Variants in MTCH2 observed in about 807,000 individuals in gnomAD.
MTCH2 encodes the protein mitochondrial carrier homolog 2.
MTCH2 carries 25 observed loss-of-function variants against 50.6 expected under a neutral mutation model. The ratio of observed to expected loss-of-function variants is 0.49; its 90% CI spans 0.36 to 0.69. The LOEUF is 0.69. Ranked by LOEUF, MTCH2 falls within the 30% of genes least tolerant of loss-of-function variation. The probability of loss-of-function intolerance (pLI) is 0.00; values close to 1 mark genes in which losing one functional copy is unlikely to be tolerated. For missense variants in MTCH2, 273 were observed against 384.4 expected, an observed-to-expected ratio of 0.71 and a Z score of 2.42; for synonymous variants, 106 against 132.0, an observed-to-expected ratio of 0.80 and a Z score of 1.35.
intron 4 of MTCH2, 105 bp downstream of exon 4, chr11:47,635,440 A>G (rs2097307662): frequency 7.8e-7 from 1 of 1,276,142 alleles, no homozygotes; most frequent in Non-Finnish European, 1.1e-6. Context: ...ACTCACTGAG[A>G]TGAATAGGAG....
At chr11:47,615,134 C>CTG (rs2097287635), downstream of MTCH2, among the ~76,000 whole-genome samples, 1 of 142,022 alleles carries the variant, frequency 7.0e-6, no homozygotes, top group African/African-American at 2.6e-5. Flanking sequence ...CCTCCCAGGA[C>CTG]TCAACCAGTC....
At chr11:47,637,331 T>C (rs1034128882) in intron 3 of MTCH2, among the ~76,000 whole-genome samples, 6 of 152,132 alleles carry the variant, frequency 3.9e-5, no homozygotes, top group Admixed American at 6.6e-5. Flanking sequence ...AGTAAAAACA[T>C]AGCCCAGGGT....
At chr11:47,626,913 G>A (rs972331111) in intron 10 of MTCH2, among the ~76,000 whole-genome samples, 167 bp downstream of exon 10, 2 of 152,040 alleles carry the variant, frequency 1.3e-5, no homozygotes, top group East Asian at 1.9e-4. Flanking sequence ...GCGCCTGGCC[G>A]AAAACTGAGT....
At chr11:47,612,362 T>C (rs1238317502), downstream of MTCH2, among the ~76,000 whole-genome samples, 3 of 151,142 alleles carry the variant, frequency 2.0e-5, no homozygotes, top group Non-Finnish European at 4.4e-5. Flanking sequence ...GGTCAGGAGA[T>C]CAAGACCATC....
chr11:47,631,503 G>A, intron 6 of MTCH2, 151 bp downstream of exon 6: 1 of 655,934 alleles, frequency 1.5e-6, no homozygotes, highest in South Asian at 2.1e-5. Flanking sequence ...AAGACATTTT[G>A]CTATCTGGAT....
At chr11:47,608,041 AC>A in the MTCH2 span, among the ~76,000 whole-genome samples, 2 of 152,186 alleles carry the variant, frequency 1.3e-5, no homozygotes, top group Admixed American at 6.5e-5. Flanking sequence ...AGATTTGCAG[AC>A]CCATATCAGA....
At chr11:47,607,837 A>G in the MTCH2 span, among the ~76,000 whole-genome samples, 1 of 152,196 alleles carries the variant, frequency 6.6e-6, no homozygotes, top group Non-Finnish European at 1.5e-5. Context: ...CAATGTAGCC[A>G]GTTTGAGTTG....
intron 9 of MTCH2, among the ~76,000 whole-genome samples, chr11:47,628,636 G>A (rs190865985): frequency 9.1e-4 from 138 of 152,144 alleles, no homozygotes; most frequent in African/African-American, 2.8e-3. Context: ...ATGCAGTGGC[G>A]CGATCTTGGC....
intron 8 of MTCH2, among the ~76,000 whole-genome samples, chr11:47,629,518 T>TAA: frequency 6.6e-6 from 1 of 152,182 alleles, no homozygotes. Flanking sequence ...TTCTAGGGTC[T>TAA]GGGTGACCTA....
At chr11:47,620,032 G>A (rs889750868) in intron 12 of MTCH2, among the ~76,000 whole-genome samples, 4 of 151,958 alleles carry the variant, frequency 2.6e-5, no homozygotes, top group Non-Finnish European at 4.4e-5. Context: ...AGCCAAGATC[G>A]TGCTATTGCA....
chr11:47,636,509 A>C (rs2097308711), intron 3 of MTCH2, among the ~76,000 whole-genome samples: 1 of 151,998 alleles, frequency 6.6e-6, no homozygotes, highest in African/African-American at 2.4e-5. Context: ...AGGCAGGCGG[A>C]TCACCTGACG....
intron 4 of MTCH2, among the ~76,000 whole-genome samples, chr11:47,635,201 C>G (rs748461598): frequency 1.3e-5 from 2 of 152,124 alleles, no homozygotes; most frequent in Non-Finnish European, 2.9e-5. Flanking sequence ...ACCTCAACCT[C>G]CCATGTAGCT....
chr11:47,615,279 G>C (rs2097287723), downstream of MTCH2, among the ~76,000 whole-genome samples: 1 of 152,182 alleles, frequency 6.6e-6, no homozygotes, highest in Non-Finnish European at 1.5e-5. Context: ...CTGTTTTAAA[G>C]GACTAAATAT....
At chr11:47,629,154 G>C in intron 8 of MTCH2, 108 bp from the exon 9 acceptor site, 8 of 956,012 alleles carry the variant, frequency 8.4e-6, no homozygotes, top group South Asian at 1.5e-5. Context: ...AAACATTCTA[G>C]GGAAGTAAAA....
chr11:47,634,588 C>G, intron 5 of MTCH2, 84 bp downstream of exon 5: 1 of 1,061,834 alleles, frequency 9.4e-7, no homozygotes, highest in Non-Finnish European at 1.4e-6. Context: ...ACACTGAACA[C>G]ACAGGCCTGA....
intron 12 of MTCH2, among the ~76,000 whole-genome samples, chr11:47,620,289 TA>T (rs887867726): frequency 2.7e-5 from 4 of 150,620 alleles, no homozygotes; most frequent in African/African-American, 7.3e-5. Context: ...ATAATAAAAT[TA>T]AAAAAAACAA....
rs975243125 is a variant in MTCH2 at position 47,620,100 on chromosome 11, CAAAA to C, written c.826-1185_826-1182del. On this transcript the variant is annotated intron_variant, in intron 12 of 12. Transcript: ENST00000302503. ...TCAAACAAAACAAAACAAAACAAAA[CAAAA>C]AAACAAACAAACAAAAAACAAAAAA... 3.1e-4 allele frequency among the ~76,000 whole-genome samples: 47 copies of C among 150,338 alleles called. 1 individual carries two copies. Among genetic ancestry groups the C allele is most frequent in the Middle Eastern group, 3.2e-3 (1 of 312 alleles).
intron 11 of MTCH2, among the ~76,000 whole-genome samples, chr11:47,623,336 C>T (rs547548792): frequency 7.2e-6 from 1 of 139,044 alleles, no homozygotes; most frequent in Non-Finnish European, 1.5e-5. Flanking sequence ...TGCACTACTG[C>T]ACTCCAGCCT....
At chr11:47,639,530 ACTTCATG>A (rs2097311986) in intron 1 of MTCH2, among the ~76,000 whole-genome samples, 1 of 152,228 alleles carries the variant, frequency 6.6e-6, no homozygotes, top group Non-Finnish European at 1.5e-5. Flanking sequence ...TTACAAGCTA[ACTTCATG>A]TTAGAAGAAC....
Sources: allele counts gnomAD v4.1 joint callset (sites outside exome capture counted in the v4.1 genomes callset), GRCh38; gene constraint gnomAD v4.1.1; transcripts MANE v1.5; gene names NCBI Gene and HGNC (gene_info 2026-07-23, HGNC 2026-07-21).